The following SPTB variants were observed in gnomAD, a reference collection of about 807,000 sequenced individuals.
The protein encoded by SPTB is spectrin beta, erythrocytic.
SPTB carries 45 observed loss-of-function variants against 256.2 expected under a neutral mutation model. The ratio of observed to expected loss-of-function variants is 0.18; its 90% CI spans 0.14 to 0.23. The LOEUF (loss-of-function observed/expected upper bound fraction) is 0.23, where lower values mean the gene tolerates loss of function less well. SPTB is among the 10% of genes least tolerant of loss of function. The pLI, the probability that SPTB is intolerant of heterozygous loss-of-function variation, is 1.00. For missense variants in SPTB, 2,715 were observed against 3,040.4 expected (o/e 0.89, Z 2.52); for synonymous variants, 1,231 against 1,243.1 (o/e 0.99, Z 0.21).
intron 12 of SPTB, among the ~76,000 whole-genome samples, chr14:64,794,995 A>G (rs1246462790): frequency 6.6e-6 from 1 of 152,172 alleles, no homozygotes; most frequent in East Asian, 1.9e-4. Flanking sequence ...TCTGGATTCT[A>G]ACCAGAGTCA....
In SPTB at chr14:64,786,189, T is replaced by C. The variant is rs1259444438; in HGVS notation, c.3561+215A>G. On this transcript the variant is annotated intron_variant, in intron 16 of 35. Transcript: ENST00000644917. This position sits in a 1 kb window ranked among gnomAD's most constrained non-coding sequence, Gnocchi z 5.6. Reference sequence around the variant, plus strand: ...GCTAACCACCCAGGGCAAAATGCGCTTCTCTAGCCTCTGATAGACCCAAGA... The same window carrying C: ...GCTAACCACCCAGGGCAAAATGCGCCTCTCTAGCCTCTGATAGACCCAAGA... Among the ~76,000 whole-genome samples, 1 of 152,106 alleles carries C rather than the reference T, an allele frequency of 6.6e-6. No individual in the cohort carries two copies. Among genetic ancestry groups the C allele is most frequent in the Non-Finnish European group, 1.5e-5 (1 of 68,018 alleles).
chr14:64,804,599 C>T (rs1340226462), intron 3 of SPTB, among the ~76,000 whole-genome samples: 3 of 152,164 alleles, frequency 2.0e-5, no homozygotes, highest in Non-Finnish European at 2.9e-5. Context: ...CCACACTTTC[C>T]TCTTGGTTCC....
chr14:64,839,908 T>C (rs1443129066), intron 1 of SPTB, among the ~76,000 whole-genome samples: 1 of 152,166 alleles, frequency 6.6e-6, no homozygotes, highest in Admixed American at 6.5e-5. Context: ...CTACAGAAAT[T>C]AAAGAAGCCT....
In SPTB at chr14:64,826,383, A is replaced by T. The variant is rs575573228; in HGVS notation, c.-51-3238T>A. Among the ~76,000 whole-genome samples the T allele has an allele frequency of 6.6e-6, 1 of 152,190 alleles. No individual in the cohort carries two copies. Among genetic ancestry groups the T allele is most frequent in the African/African-American group, 2.4e-5 (1 of 41,442 alleles). ...GATGACCATGACTGAAAAAAACAGC[A>T]TATGTTGGGGCTCATGGTGGGGACA... On this transcript the variant is annotated intron_variant, in intron 1 of 35. Coordinates refer to ENST00000644917, the MANE Select transcript of SPTB (RefSeq NM_001355436.2). This position sits in a 1 kb window ranked among gnomAD's most constrained non-coding sequence, Gnocchi z 4.4.
At chr14:64,783,630 G>A (rs2082512211) in intron 19 of SPTB, among the ~76,000 whole-genome samples, 2 of 152,180 alleles carry the variant, frequency 1.3e-5, no homozygotes, top group Admixed American at 6.5e-5. Context: ...TTCATAGAGG[G>A]AGAAACTGAG....
chr14:64,809,819 T>A (rs917052160), intron 2 of SPTB, among the ~76,000 whole-genome samples: 3 of 152,232 alleles, frequency 2.0e-5, no homozygotes. Context: ...GCAAAATGCA[T>A]ACGAAGAAAA....
chr14:64,849,826 G>A (rs2083751965), intron 1 of SPTB, among the ~76,000 whole-genome samples: 1 of 152,204 alleles, frequency 6.6e-6, no homozygotes, highest in African/African-American at 2.4e-5. Context: ...ACAGCAAGGA[G>A]TACCTGAGTG....
At position 64,806,681 on chromosome 14, in the gene SPTB, C is replaced by T. The variant is rs949396941; in HGVS notation, c.149-1591G>A. Among the ~76,000 whole-genome samples the T allele has an allele frequency of 1.4e-4, 21 of 152,106 alleles. No homozygotes were observed. Among genetic ancestry groups the T allele is most frequent in the African/African-American group, 4.1e-4 (17 of 41,404 alleles). ...GTGCACTCATTGAGCAAATATTTACCGTACAACCGTCAGGTGCCAGGCCCT... is the reference window on the plus strand; with the variant it reads ...GTGCACTCATTGAGCAAATATTTACTGTACAACCGTCAGGTGCCAGGCCCT... On this transcript the variant is annotated intron_variant, in intron 2 of 35. Transcript: ENST00000644917. The surrounding 1 kb of genome is among the most constrained non-coding windows in gnomAD (Gnocchi z 4.1).
rs1594817843 is a variant in SPTB at position 64,825,277 on chromosome 14, G to A, written c.-51-2132C>T. On this transcript the variant is annotated intron_variant, in intron 1 of 35. Coordinates refer to ENST00000644917, the MANE Select transcript of SPTB (RefSeq NM_001355436.2). The surrounding 1 kb of genome is among the most constrained non-coding windows in gnomAD (Gnocchi z 4.8). Reference sequence around the variant, plus strand: ...TCAAGAGAAGGGAAGGTGCAAGGTGGGAAAACCAGTCATCATCCCGAACAC... The same window carrying A: ...TCAAGAGAAGGGAAGGTGCAAGGTGAGAAAACCAGTCATCATCCCGAACAC... Among the ~76,000 whole-genome samples the A allele has an allele frequency of 6.6e-6, 1 of 152,122 alleles. No homozygotes were observed. Among genetic ancestry groups the A allele is most frequent in the East Asian group, 1.9e-4 (1 of 5,188 alleles).
chr14:64,785,235 C>T lies in SPTB; in HGVS notation c.3855+302G>A, dbSNP rs1387811471. On this transcript the variant is annotated intron_variant, in intron 18 of 35. Coordinates refer to ENST00000644917, the MANE Select transcript of SPTB (RefSeq NM_001355436.2). This position sits in a 1 kb window ranked among gnomAD's most constrained non-coding sequence, Gnocchi z 4.4. ...AGCACAGGGTGTGACACAGGTCACACATCCTCAAAGCTGGCCCAGACTGGG... is the reference window on the plus strand; with the variant it reads ...AGCACAGGGTGTGACACAGGTCACATATCCTCAAAGCTGGCCCAGACTGGG... Among the ~76,000 whole-genome samples the T allele has an allele frequency of 6.6e-6, 1 of 152,084 alleles. No homozygotes were observed. The highest frequency in any genetic ancestry group is 1.5e-5 in the Non-Finnish European group (1 of 68,022).
intron 20 of SPTB, among the ~76,000 whole-genome samples, chr14:64,781,179 C>T (rs1356066944): frequency 6.6e-6 from 1 of 152,148 alleles, no homozygotes; most frequent in African/African-American, 2.4e-5. Context: ...GATTTCATGA[C>T]AAAGACACTA....
At chr14:64,867,667 A>T (rs573534105) in intron 1 of SPTB, among the ~76,000 whole-genome samples, 11 of 152,142 alleles carry the variant, frequency 7.2e-5, no homozygotes, top group Non-Finnish European at 1.6e-4. Context: ...CAGCCTGGCC[A>T]ACATGGCGAA....
chr14:64,766,770 C>T lies in SPTB; in HGVS notation c.6301G>A (p.Glu2101Lys). ...GCCGCATGGTGGGAAACTGGAGCCT[C>T]CCCTGCTGTCTCGCCTTCCTCCTCT... is the stretch of plus-strand genomic sequence containing the variant. ...PQEEEGETAG[E>K]APVSHHAATE... The change falls in exon 32 of 36, where the codon GAG becomes AAG. Residue 2101 changes from glutamate to lysine, a missense_variant. Glu to Lys is a moderately conservative substitution (Grantham distance 56, BLOSUM62 1). Transcript: ENST00000644917. 1 of 1,612,822 alleles carries T rather than the reference C, an allele frequency of 6.2e-7. No individual in the cohort carries two copies. Among genetic ancestry groups the T allele is most frequent in the Non-Finnish European group, 8.5e-7 (1 of 1,179,924 alleles).
Position 64,794,672 on chromosome 14 carries a change from TAGG to T in SPTB, c.1645-58_1645-56del, listed in dbSNP as rs930387992. The T allele has an allele frequency of 4.3e-6, 7 of 1,609,472 alleles. No homozygotes were observed. The African/African-American group carries it at 8.0e-5, about 18-fold the overall frequency. ...AGGAGAAGTGAAGAGACCTACACAT[TAGG>T]AGAAGAGACCCCTGCAAAGGGCATG... On this transcript the variant is annotated intron_variant, in intron 12 of 35. Transcript: ENST00000644917.
In SPTB at chr14:64,847,017, G is replaced by A. The variant is rs192465508; in HGVS notation, c.-51-23872C>T. On this transcript the variant is annotated intron_variant, in intron 1 of 35. Transcript: ENST00000644917. The surrounding 1 kb of genome is among the most constrained non-coding windows in gnomAD (Gnocchi z 5.9). ...CCCACTAAGCTATCAGAAGCCAGTC[G>A]CCCACCCATACTGCCTCCATCCTCA... Among the ~76,000 whole-genome samples, 223 of 152,180 alleles carry A rather than the reference G, an allele frequency of 1.5e-3. 2 individuals are homozygous for A. Among genetic ancestry groups the A allele is most frequent in the Non-Finnish European group, 1.2e-3 (84 of 68,000 alleles).
chr14:64,823,929 G>A lies in SPTB; in HGVS notation c.-51-784C>T, dbSNP rs1278650930. ...CATGGACAATGGAACCGTGCATTGT[G>A]AGTCCATGTGATGAACCAGCGCATC... On this transcript the variant is annotated intron_variant, in intron 1 of 35. Transcript: ENST00000644917. The surrounding 1 kb of genome is among the most constrained non-coding windows in gnomAD (Gnocchi z 6.5). 3.3e-5 allele frequency among the ~76,000 whole-genome samples: 5 copies of A among 152,224 alleles called. No homozygotes were observed. The highest frequency in any genetic ancestry group is 7.3e-5 in the Non-Finnish European group (5 of 68,046).
intron 1 of SPTB, among the ~76,000 whole-genome samples, chr14:64,828,421 T>C (rs1347096868): frequency 6.6e-6 from 1 of 152,140 alleles, no homozygotes; most frequent in African/African-American, 2.4e-5. Context: ...ATAACAACAG[T>C]ATCTATCAGC....
At chr14:64,848,153 A>T (rs1412380879) in intron 1 of SPTB, among the ~76,000 whole-genome samples, 1 of 152,126 alleles carries the variant, frequency 6.6e-6, no homozygotes, top group African/African-American at 2.4e-5. Context: ...AAGAAACACC[A>T]CCACATGATG....
chr14:64,772,575 G>A lies in SPTB; in HGVS notation c.5553+5C>T, dbSNP rs369417874. ...AGCAGGTGGGCGGCAGGGGGCTGAA[G>A]GTACCTGGACACCCAGCAGGTGGAG... On this transcript the variant is annotated splice_donor_5th_base_variant and intron_variant, in intron 26 of 35. Transcript: ENST00000644917. This position sits in a 1 kb window ranked among gnomAD's most constrained non-coding sequence, Gnocchi z 5.4. 1.4e-5 allele frequency: 22 copies of A among 1,605,076 alleles called. No individual in the cohort carries two copies. The highest frequency in any genetic ancestry group is 3.6e-4 in the Middle Eastern group (2 of 5,564).
Sources: allele counts gnomAD v4.1 joint callset (sites outside exome capture counted in the v4.1 genomes callset), GRCh38; gene constraint gnomAD v4.1.1; non-coding constraint Gnocchi (gnomAD v3.1); transcripts MANE v1.5; gene names NCBI Gene and HGNC (gene_info 2026-07-23, HGNC 2026-07-21).